Variants in NELL1 observed in about 807,000 individuals in gnomAD.
The protein encoded by NELL1 is neural EGFL like 1, also known as protein kinase C-binding protein NELL1.
In NELL1, 76 loss-of-function variants were observed where a neutral mutation model predicts 107.4. The observed-to-expected ratio is 0.71, with a 90% CI of 0.59 to 0.86. NELL1 has a LOEUF of 0.86. Among genes scored for constraint, NELL1 ranks in the 40% least tolerant of loss-of-function variants. The pLI, the probability that NELL1 is intolerant of heterozygous loss-of-function variation, is 0.00. For missense variants in NELL1, 1,024 were observed against 1,005.5 expected, an observed-to-expected ratio of 1.02 and a Z score of -0.25; for synonymous variants, 353 against 341.2, an observed-to-expected ratio of 1.03 and a Z score of -0.38.
intron 12 of NELL1, among the ~76,000 whole-genome samples, chr11:21,090,493 T>C (rs2133687721): frequency 6.6e-6 from 1 of 152,256 alleles, no homozygotes; most frequent in African/African-American, 2.4e-5. Flanking sequence ...CAAGCAGCAG[T>C]GAACTTGGGG....
intron 15 of NELL1, among the ~76,000 whole-genome samples, chr11:21,480,780 G>T (rs1176042055): frequency 1.3e-5 from 2 of 152,272 alleles, no homozygotes; most frequent in East Asian, 3.9e-4. Flanking sequence ...AGTTAATAAT[G>T]TTATGGCATC....
chr11:21,386,027 C>A (rs1456909583), intron 15 of NELL1, among the ~76,000 whole-genome samples: 1 of 151,818 alleles, frequency 6.6e-6, no homozygotes, highest in Admixed American at 6.6e-5. Context: ...TAGGTTCCCT[C>A]CAGTGCACTC....
At chr11:21,342,328 T>A (rs1850584577) in intron 14 of NELL1, among the ~76,000 whole-genome samples, 1 of 148,684 alleles carries the variant, frequency 6.7e-6, no homozygotes, top group Non-Finnish European at 1.5e-5. Context: ...CATTTACTTA[T>A]CTGTTTATAG....
chr11:21,145,691 G>A (rs948242861), intron 13 of NELL1, among the ~76,000 whole-genome samples: 1 of 152,120 alleles, frequency 6.6e-6, no homozygotes, highest in African/African-American at 2.4e-5. Flanking sequence ...AGAAAAAGAT[G>A]ACTGGGTTCT....
chr11:21,078,660 A>C (rs1462239957), intron 12 of NELL1, among the ~76,000 whole-genome samples: 2 of 152,112 alleles, frequency 1.3e-5, no homozygotes, highest in Non-Finnish European at 2.9e-5. Context: ...AGAGATACAC[A>C]CATATATACA....
chr11:21,113,574 T>A lies in NELL1; in HGVS notation c.1301-15T>A, dbSNP rs1418074748. On this transcript the variant is annotated splice_polypyrimidine_tract_variant and intron_variant, in intron 12 of 19. Transcript: ENST00000357134. Reference sequence around the variant, plus strand: ...ATTTTGCTAACCATGATCTTACTTATTTTTTTTCCTTCAGATATTGATGAG... The same window carrying A: ...ATTTTGCTAACCATGATCTTACTTAATTTTTTTCCTTCAGATATTGATGAG... 2.5e-6 allele frequency: 4 copies of A among 1,598,100 alleles called. No individual in the cohort carries two copies. Among genetic ancestry groups the A allele is most frequent in the African/African-American group, 2.7e-5 (2 of 74,310 alleles).
chr11:20,928,467 A>G lies in NELL1; in HGVS notation c.985A>G (p.Lys329Glu). ...LPVHIAGQCC[K>E]VCRPKCIYGG... ...AGTGCACATTGCTGGCCAGTGCTGT[A>G]AGGTCTGCCGACGTAAGTACTGACT... The change falls in exon 9 of 20, where the codon AAG becomes GAG. Residue 329 changes from lysine (K) to glutamate (E), a missense_variant. Transcript: ENST00000357134. 2 of 1,613,664 alleles carry G rather than the reference A, an allele frequency of 1.2e-6. No individual in the cohort carries two copies. The highest frequency in any genetic ancestry group is 1.7e-5 in the Admixed American group (1 of 60,016).
At position 21,496,692 on chromosome 11, in the gene NELL1, G is replaced by C. The variant is rs146160805; in HGVS notation, c.1646-37682G>C. Reference sequence around the variant, plus strand: ...CCAAAGTGCTGGGTTACAGGCGTGAGCCACAGCGCCCAGCCTGTTCTTTTC... The same window carrying C: ...CCAAAGTGCTGGGTTACAGGCGTGACCCACAGCGCCCAGCCTGTTCTTTTC... On this transcript the variant is annotated intron_variant, in intron 15 of 19. Transcript: ENST00000357134. 6.0e-3 allele frequency among the ~76,000 whole-genome samples: 915 copies of C among 152,266 alleles called. 15 individuals are homozygous for C. The highest frequency in any genetic ancestry group is 0.021 in the African/African-American group (873 of 41,562).
chr11:20,845,161 T>A (rs1848682166), intron 3 of NELL1, among the ~76,000 whole-genome samples: 2 of 152,230 alleles, frequency 1.3e-5, no homozygotes, highest in South Asian at 4.1e-4. Flanking sequence ...GATGCAGCAC[T>A]TTTTGAATAT....
At chr11:21,415,978 T>A (rs1334553522) in intron 15 of NELL1, among the ~76,000 whole-genome samples, 1 of 152,090 alleles carries the variant, frequency 6.6e-6, no homozygotes, top group Non-Finnish European at 1.5e-5. Flanking sequence ...ATAAAACAAC[T>A]TTTAATGCTG....
intron 15 of NELL1, among the ~76,000 whole-genome samples, chr11:21,530,913 G>T (rs1312753850): frequency 6.6e-6 from 1 of 151,916 alleles, no homozygotes; most frequent in Non-Finnish European, 1.5e-5. Context: ...TTCATTCCCA[G>T]GGACTTGTAT....
At chr11:20,889,957 C>T (rs1720476) in intron 5 of NELL1, among the ~76,000 whole-genome samples, 41 of 152,158 alleles carry the variant, frequency 2.7e-4, no homozygotes, top group Non-Finnish European at 5.3e-4. Flanking sequence ...GCAGTCTAGA[C>T]GAGTAGGTTT....
chr11:21,261,824 C>G (rs1848539658), intron 14 of NELL1, among the ~76,000 whole-genome samples: 2 of 151,858 alleles, frequency 1.3e-5, no homozygotes, highest in South Asian at 2.1e-4. Flanking sequence ...CCCTTGGAAA[C>G]AGTTCCCTAT....
intron 15 of NELL1, among the ~76,000 whole-genome samples, chr11:21,416,235 AAAAG>A (rs992668098): frequency 1.3e-5 from 2 of 152,210 alleles, no homozygotes; most frequent in Non-Finnish European, 2.9e-5. Flanking sequence ...GTAATTTAAG[AAAAG>A]ACAGAGTTTT....
chr11:21,061,449 A>G (rs1516755), intron 12 of NELL1, among the ~76,000 whole-genome samples: 39,620 of 151,986 alleles, frequency 0.26, 5,402 homozygotes, highest in South Asian at 0.4. Flanking sequence ...AAGAAGGAGA[A>G]AGCTGTTCCA....
intron 2 of NELL1, among the ~76,000 whole-genome samples, chr11:20,765,168 A>T (rs1019677897): frequency 4.1e-5 from 6 of 146,016 alleles, no homozygotes; most frequent in Admixed American, 2.1e-4. Flanking sequence ...TGTTAAAAAA[A>T]AAAAATAAAA....
At chr11:20,871,985 T>C (rs1219062715) in intron 4 of NELL1, among the ~76,000 whole-genome samples, 48 of 126,042 alleles carry the variant, frequency 3.8e-4, no homozygotes, top group Non-Finnish European at 6.4e-4. Flanking sequence ...TGCCACTGCA[T>C]TCCAGCCTGG....
chr11:21,538,321 A>G (rs1856192981), intron 16 of NELL1, among the ~76,000 whole-genome samples: 1 of 152,158 alleles, frequency 6.6e-6, no homozygotes, highest in Admixed American at 6.5e-5. Flanking sequence ...TAATATTGAT[A>G]TCATAAAGAA....
intron 2 of NELL1, among the ~76,000 whole-genome samples, chr11:20,704,259 TG>T (rs2133885693): frequency 6.6e-6 from 1 of 152,376 alleles, no homozygotes; most frequent in South Asian, 2.1e-4. Flanking sequence ...CATTATGTAA[TG>T]GCCTTCTTTG....
Sources: allele counts gnomAD v4.1 joint callset (sites outside exome capture counted in the v4.1 genomes callset), GRCh38; gene constraint gnomAD v4.1.1; transcripts MANE v1.5; gene names NCBI Gene and HGNC (gene_info 2026-07-23, HGNC 2026-07-21).